Variants in KLF12 observed in about 807,000 individuals in gnomAD.
KLF12 encodes the protein Krueppel-like factor 12.
Under a neutral mutation model 37.8 loss-of-function variants are expected in KLF12, and 9 were observed. The observed-to-expected ratio is 0.24, with a 90% CI of 0.14 to 0.42. The LOEUF (loss-of-function observed/expected upper bound fraction) is 0.42, where lower values mean the gene tolerates loss of function less well. Ranked by LOEUF, KLF12 falls within the 10% of genes least tolerant of loss-of-function variation. The pLI, the probability that KLF12 is intolerant of heterozygous loss-of-function variation, is 1.00. For synonymous variants in KLF12, 208 were observed against 202.1 expected (o/e 1.03, Z -0.25); for missense variants, 411 against 516.0 (o/e 0.80, Z 1.97).
the KLF12 span, among the ~76,000 whole-genome samples, chr13:74,139,467 G>A: frequency 6.6e-6 from 1 of 152,180 alleles, no homozygotes; most frequent in Non-Finnish European, 1.5e-5. Flanking sequence ...CCATTTGGGT[G>A]CACATATTGA....
the KLF12 span, among the ~76,000 whole-genome samples, chr13:74,252,338 A>G: frequency 1.4e-4 from 21 of 152,320 alleles, no homozygotes; most frequent in African/African-American, 5.1e-4. Flanking sequence ...AGGGCCTGCC[A>G]CAGAAATGTG....
intron 3 of KLF12, among the ~76,000 whole-genome samples, chr13:73,903,286 G>T (rs1208071351): frequency 6.6e-6 from 1 of 152,086 alleles, no homozygotes; most frequent in Non-Finnish European, 1.5e-5. Flanking sequence ...TTCATATCAA[G>T]AGATGGGCAA....
chr13:73,825,263 G>GTC (rs1163899014), intron 4 of KLF12, among the ~76,000 whole-genome samples: 4 of 152,100 alleles, frequency 2.6e-5, no homozygotes, highest in Non-Finnish European at 1.5e-5. Flanking sequence ...CACTGCATTG[G>GTC]AGTTTGTTTG....
intron 1 of KLF12, among the ~76,000 whole-genome samples, chr13:74,001,505 G>A (rs1020097520): frequency 6.6e-6 from 1 of 152,158 alleles, no homozygotes. Flanking sequence ...AAAAGTTTTA[G>A]ATACTAGAGA....
At chr13:74,230,781 C>G in the KLF12 span, among the ~76,000 whole-genome samples, 1 of 152,190 alleles carries the variant, frequency 6.6e-6, no homozygotes, top group African/African-American at 2.4e-5. Flanking sequence ...TTCTCTAAAC[C>G]TGGTGCTTGT....
At chr13:74,107,075 C>T (rs1441384201) in intron 1 of KLF12, among the ~76,000 whole-genome samples, 1 of 152,130 alleles carries the variant, frequency 6.6e-6, no homozygotes, top group Admixed American at 6.6e-5. Context: ...CCATTCCCCA[C>T]AGATGGCGCT....
At chr13:73,927,267 G>C (rs149648109) in intron 3 of KLF12, among the ~76,000 whole-genome samples, 3 of 152,150 alleles carry the variant, frequency 2.0e-5, no homozygotes, top group African/African-American at 7.2e-5. Flanking sequence ...TTCTCCCCTT[G>C]ATCACTCCTC....
At chr13:73,851,475 A>G (rs1391004650) in intron 3 of KLF12, among the ~76,000 whole-genome samples, 2 of 152,190 alleles carry the variant, frequency 1.3e-5, no homozygotes, top group Non-Finnish European at 2.9e-5. Flanking sequence ...GGCCCACAGG[A>G]AGATCATGTA....
At chr13:74,043,487 G>A (rs1487684933) in intron 1 of KLF12, among the ~76,000 whole-genome samples, 1 of 152,190 alleles carries the variant, frequency 6.6e-6, no homozygotes, top group Non-Finnish European at 1.5e-5. Flanking sequence ...TTCTGTGTGT[G>A]TGTGTACACT....
chr13:74,082,204 G>A (rs1011625722), intron 1 of KLF12, among the ~76,000 whole-genome samples: 22 of 147,002 alleles, frequency 1.5e-4, no homozygotes, highest in African/African-American at 5.4e-4. Flanking sequence ...GTGGTGGTGC[G>A]TACCTGTAAT....
intron 1 of KLF12, among the ~76,000 whole-genome samples, chr13:74,071,116 C>T (rs1023671076): frequency 6.6e-6 from 1 of 152,158 alleles, no homozygotes. Flanking sequence ...ACTACTTACA[C>T]TTTATTCATC....
chr13:74,187,146 T>A, the KLF12 span, among the ~76,000 whole-genome samples: 2,115 of 152,132 alleles, frequency 0.014, 48 homozygotes, highest in African/African-American at 0.045. Context: ...TGGGCAACAC[T>A]GCGAAACCCC....
intron 2 of KLF12, among the ~76,000 whole-genome samples, chr13:73,975,431 C>T (rs529413918): frequency 1.4e-4 from 21 of 152,252 alleles, no homozygotes; most frequent in African/African-American, 5.1e-4. Flanking sequence ...ATTTTATCTG[C>T]CTCCTAAACA....
intron 1 of KLF12, among the ~76,000 whole-genome samples, chr13:74,066,022 T>C (rs1873895519): frequency 6.6e-6 from 1 of 151,940 alleles, no homozygotes; most frequent in East Asian, 1.9e-4. Context: ...TAGGGAGACT[T>C]TATGGAGGCT....
intron 1 of KLF12, among the ~76,000 whole-genome samples, chr13:74,014,339 T>C (rs1463114209): frequency 1.3e-5 from 2 of 152,196 alleles, no homozygotes; most frequent in African/African-American, 2.4e-5. Context: ...TGCGTTTGTT[T>C]ACTGGTAACG....
At chr13:73,952,207 A>G (rs1890672489) in intron 2 of KLF12, among the ~76,000 whole-genome samples, 1 of 152,202 alleles carries the variant, frequency 6.6e-6, no homozygotes, top group African/African-American at 2.4e-5. Context: ...GCATTGCTCT[A>G]AAGAACTACC....
At chr13:74,016,178 T>C (rs1892683484) in intron 1 of KLF12, among the ~76,000 whole-genome samples, 1 of 152,128 alleles carries the variant, frequency 6.6e-6, no homozygotes, top group African/African-American at 2.4e-5. Flanking sequence ...ACAAAAAATT[T>C]GGATAAGTTC....
chr13:73,689,901 T>C lies in KLF12; in HGVS notation c.*5589A>G, dbSNP rs953446567. On this transcript the variant is annotated 3_prime_UTR_variant, in exon 8 of 8. Coordinates refer to ENST00000377669, the MANE Select transcript of KLF12 (RefSeq NM_007249.5). Reference sequence around the variant, plus strand: ...TACTGTTTCATAAGTTTGGGGCAAATGACAGTCAACTTTTTATCTGGAAAT... The same window carrying C: ...TACTGTTTCATAAGTTTGGGGCAAACGACAGTCAACTTTTTATCTGGAAAT... 2 of 152,204 alleles carry C rather than the reference T, an allele frequency of 1.3e-5. No homozygotes were observed. The highest frequency in any genetic ancestry group is 4.8e-5 in the African/African-American group (2 of 41,464). The allele number at this position is 152,204 out of a possible 1,614,324, so 9.4% of individuals were successfully genotyped here.
intron 1 of KLF12, among the ~76,000 whole-genome samples, chr13:74,037,777 T>C (rs1390199121): frequency 1.3e-5 from 2 of 152,186 alleles, no homozygotes; most frequent in Admixed American, 1.3e-4. Flanking sequence ...AAACTGATCA[T>C]GGATGAGGGA....
Sources: allele counts gnomAD v4.1 joint callset (sites outside exome capture counted in the v4.1 genomes callset), GRCh38; gene constraint gnomAD v4.1.1; transcripts MANE v1.5; gene names NCBI Gene and HGNC (gene_info 2026-07-23, HGNC 2026-07-21).